PRMT8: variants seen among roughly 807,000 people sequenced by gnomAD.
The protein encoded by PRMT8 is protein arginine methyltransferase 8.
In PRMT8, 7 loss-of-function variants were observed where a neutral mutation model predicts 47.1. The ratio of observed to expected loss-of-function variants is 0.15; its 90% CI spans 0.08 to 0.28. PRMT8 has a LOEUF of 0.28. PRMT8 is among the 10% of genes least tolerant of loss of function. The pLI is 1.00. For missense variants in PRMT8, 237 were observed against 505.4 expected (o/e 0.47, Z 5.09); for synonymous variants, 188 against 186.5 (o/e 1.01, Z -0.07).
chr12:3,430,414 G>A (rs1034235817), intron 1 of PRMT8, among the ~76,000 whole-genome samples: 1 of 152,176 alleles, frequency 6.6e-6, no homozygotes, highest in Non-Finnish European at 1.5e-5. Flanking sequence ...AAGACAATAT[G>A]AGGGGTGGTC....
chr12:3,483,288 C>T (rs551288004), intron 1 of PRMT8, among the ~76,000 whole-genome samples: 1 of 152,326 alleles, frequency 6.6e-6, no homozygotes, highest in Non-Finnish European at 1.5e-5. Flanking sequence ...GCACAGGAGA[C>T]AGTTCTCATA....
At chr12:3,408,444 C>G (rs1042885637) in intron 1 of PRMT8, among the ~76,000 whole-genome samples, 8 of 152,086 alleles carry the variant, frequency 5.3e-5, no homozygotes, top group African/African-American at 1.4e-4. Flanking sequence ...CCTATATTGC[C>G]TAGGCTGGTC....
In PRMT8 at chr12:3,522,662, A is replaced by C. The variant is rs535511733; in HGVS notation, c.76-17944A>C. ...TGAGACTCCATTAAAAAAAAAAAAA[A>C]AAAAAACAAGCTCCACCCAAACTGG... On this transcript the variant is annotated intron_variant, in intron 1 of 9. Coordinates refer to ENST00000382622, the MANE Select transcript of PRMT8 (RefSeq NM_019854.5). 8.9e-3 allele frequency among the ~76,000 whole-genome samples: 1,341 copies of C among 151,460 alleles called. 25 individuals carry two copies. Among genetic ancestry groups the C allele is most frequent in the African/African-American group, 0.03 (1,235 of 41,266 alleles).
chr12:3,586,938 C>T (rs1867189005), intron 8 of PRMT8, among the ~76,000 whole-genome samples: 1 of 152,196 alleles, frequency 6.6e-6, no homozygotes, highest in Non-Finnish European at 1.5e-5. Context: ...CTTTCTCAGC[C>T]ACCTTCGCGT....
chr12:3,441,617 G>T (rs1384923718), intron 1 of PRMT8, among the ~76,000 whole-genome samples: 1 of 152,216 alleles, frequency 6.6e-6, no homozygotes, highest in Non-Finnish European at 1.5e-5. Context: ...ATTCATGAGG[G>T]AATTAATGAT....
intron 2 of PRMT8, among the ~76,000 whole-genome samples, chr12:3,545,194 T>C (rs1486314562): frequency 6.6e-6 from 1 of 152,220 alleles, no homozygotes; most frequent in Non-Finnish European, 1.5e-5. Flanking sequence ...CACAGACAGC[T>C]GAAAGCTGGT....
chr12:3,410,784 G>A (rs1001550526), intron 1 of PRMT8, among the ~76,000 whole-genome samples: 1 of 152,198 alleles, frequency 6.6e-6, no homozygotes, highest in Non-Finnish European at 1.5e-5. Flanking sequence ...TGGGGTTACA[G>A]GCGTGAGCCA....
At chr12:3,467,943 C>T (rs1865120101) in intron 1 of PRMT8, among the ~76,000 whole-genome samples, 1 of 152,218 alleles carries the variant, frequency 6.6e-6, no homozygotes, top group Non-Finnish European at 1.5e-5. Context: ...TGTGTCCACC[C>T]TAACTGAGGC....
intron 4 of PRMT8, 128 bp downstream of exon 4, chr12:3,553,842 G>T: frequency 1.2e-6 from 1 of 825,234 alleles, no homozygotes; most frequent in East Asian, 2.6e-5. Flanking sequence ...CCCAGCTGAG[G>T]CCCCCGCCAG....
upstream of PRMT8, among the ~76,000 whole-genome samples, chr12:3,490,109 G>A (rs1197877417): frequency 1.3e-5 from 2 of 152,118 alleles, no homozygotes; most frequent in African/African-American, 2.4e-5. Flanking sequence ...ATTTGGGAGG[G>A]ACCTCCCCAA....
At chr12:3,396,189 A>C (rs1864247177) in intron 1 of PRMT8, among the ~76,000 whole-genome samples, 1 of 152,154 alleles carries the variant, frequency 6.6e-6, no homozygotes, top group African/African-American at 2.4e-5. Context: ...GTGTCTTTTA[A>C]TTGGAGCATT....
intron 1 of PRMT8, chr12:3,463,120 G>A (rs868013723): frequency 1.3e-5 from 2 of 152,170 alleles, no homozygotes; most frequent in African/African-American, 2.4e-5. Flanking sequence ...CTGACATTAT[G>A]CTTAGTGTGT....
At chr12:3,565,712 C>G (rs1866708503) in intron 4 of PRMT8, among the ~76,000 whole-genome samples, 1 of 152,180 alleles carries the variant, frequency 6.6e-6, no homozygotes, top group Non-Finnish European at 1.5e-5. Flanking sequence ...GTCTATCTAT[C>G]AATCATCTCT....
chr12:3,558,972 ATCTATCTATCTATCTATCTG>A (rs1866581763), intron 4 of PRMT8, among the ~76,000 whole-genome samples: 1 of 147,336 alleles, frequency 6.8e-6, no homozygotes, highest in African/African-American at 2.7e-5. Flanking sequence ...CTATCTATCT[ATCTATCTATCTATCTATCTG>A]TCTATCTATC....
chr12:3,540,613 G>GGCCCCCCCACC lies in PRMT8; in HGVS notation c.83_84insGCCCCCCCACC (p.Ser28ArgfsTer42). 1.8e-6 allele frequency: 2 copies of GGCCCCCCCACC among 1,130,518 alleles called. No homozygotes were observed. Among genetic ancestry groups the GGCCCCCCCACC allele is most frequent in the Non-Finnish European group, 2.7e-6 (2 of 752,488 alleles). The allele number at this position is 1,130,518 out of a possible 1,614,324, so 70.0% of individuals were successfully genotyped here. A position where few individuals can be genotyped will look rare whatever the true frequency, so the allele number is the denominator to read the frequency against. On this transcript the variant is annotated frameshift_variant, in exon 2 of 10. Coordinates refer to ENST00000382622, the MANE Select transcript of PRMT8 (RefSeq NM_019854.5). LOFTEE classifies it high-confidence loss of function. The stretch of plus-strand genomic sequence containing the variant: ...CCCTTCTCTTCCCCTCAGGTGAACA[G>GGCCCCCCCACC]CCCCCCCTCCCAGCCCCCCCAGCCC...
chr12:3,480,317 C>T (rs944424933), intron 1 of PRMT8, among the ~76,000 whole-genome samples: 1 of 152,202 alleles, frequency 6.6e-6, no homozygotes, highest in African/African-American at 2.4e-5. Context: ...CCCCAGAGCA[C>T]AGGCTTTCCC....
chr12:3,437,329 T>C (rs1310465688), intron 1 of PRMT8, among the ~76,000 whole-genome samples: 1 of 152,066 alleles, frequency 6.6e-6, no homozygotes, highest in Non-Finnish European at 1.5e-5. Flanking sequence ...TTACATAGTA[T>C]GGGTATTGTA....
intron 4 of PRMT8, among the ~76,000 whole-genome samples, chr12:3,562,148 C>T (rs567120081): frequency 1.1e-4 from 17 of 152,196 alleles, no homozygotes; most frequent in South Asian, 6.2e-4. Context: ...TAAACATTAG[C>T]GGTTGTTATG....
rs762604837 is a variant in PRMT8 at position 3,540,702 on chromosome 12, C to A, written c.172C>A (p.Arg58=). 1.9e-6 allele frequency: 3 copies of A among 1,612,880 alleles called. No homozygotes were observed. The highest frequency in any genetic ancestry group is 2.5e-6 in the Non-Finnish European group (3 of 1,179,724). The change falls in exon 2 of 10, where the codon CGG becomes AGG. Residue 58 remains arginine, a synonymous_variant. Coordinates refer to ENST00000382622, the MANE Select transcript of PRMT8 (RefSeq NM_019854.5). ...HVSTQPSCPG[R]GKMSKLLNPE... ...GTCCACTCAACCCAGCTGCCCAGGA[C>A]GGGGCAAGATGTCCAAGCTGCTGAA...
Sources: gnomAD v4.1 joint callset for allele counts (sites outside exome capture counted in the v4.1 genomes callset) on GRCh38, gnomAD v4.1.1 for gene constraint, MANE v1.5 for transcripts, NCBI Gene and HGNC (gene_info 2026-07-23, HGNC 2026-07-21) for gene names.